The following NRG1 variants were observed in gnomAD, a reference collection of about 807,000 sequenced individuals.
NRG1 encodes pro-neuregulin-1, membrane-bound isoform.
NRG1 carries 18 observed loss-of-function variants against 63.8 expected under a neutral mutation model. The observed-to-expected ratio is 0.28, with a 90% CI of 0.19 to 0.42. NRG1 has a LOEUF of 0.42. NRG1 is among the 10% of genes least tolerant of loss of function. The probability of loss-of-function intolerance (pLI) is 1.00; values close to 1 mark genes in which losing one functional copy is unlikely to be tolerated. For synonymous variants in NRG1, 302 were observed against 301.3 expected (o/e 1.00, Z -0.02); for missense variants, 762 against 814.7 (o/e 0.94, Z 0.79).
intron 1 of NRG1, among the ~76,000 whole-genome samples, chr8:32,162,205 T>C (rs1225632046): frequency 6.6e-6 from 1 of 152,192 alleles, no homozygotes; most frequent in Non-Finnish European, 1.5e-5. Flanking sequence ...CATACATCTG[T>C]CACTAAATTG....
At chr8:31,800,772 C>T (rs187401995) in intron 1 of NRG1, among the ~76,000 whole-genome samples, 2 of 150,032 alleles carry the variant, frequency 1.3e-5, no homozygotes, top group African/African-American at 2.4e-5. Context: ...CGAATTTAAA[C>T]ATTTTGTCAC....
chr8:32,050,257 C>A, intron 1 of NRG1, among the ~76,000 whole-genome samples: 1 of 152,036 alleles, frequency 6.6e-6, no homozygotes, highest in Non-Finnish European at 1.5e-5. Context: ...TATATTTTCT[C>A]TTTTCTGCCA....
intron 5 of NRG1, among the ~76,000 whole-genome samples, chr8:32,633,262 A>C (rs1257046551): frequency 1.3e-5 from 2 of 152,184 alleles, no homozygotes; most frequent in Admixed American, 1.3e-4. Context: ...CAATCAAGAC[A>C]ACAGCTTTAA....
chr8:31,975,865 A>T (rs1362510876), intron 1 of NRG1, among the ~76,000 whole-genome samples: 1 of 152,216 alleles, frequency 6.6e-6, no homozygotes, highest in Non-Finnish European at 1.5e-5. Flanking sequence ...CTATAAATAC[A>T]TAATTATTCA....
intron 1 of NRG1, among the ~76,000 whole-genome samples, chr8:31,970,111 C>T (rs536620874): frequency 1.5e-4 from 23 of 152,124 alleles, no homozygotes; most frequent in Admixed American, 3.9e-4. Flanking sequence ...GGCTTTCAAG[C>T]GTATCTTTCC....
intron 1 of NRG1, among the ~76,000 whole-genome samples, chr8:31,807,122 C>T (rs1822361355): frequency 6.6e-6 from 1 of 152,172 alleles, no homozygotes; most frequent in Non-Finnish European, 1.5e-5. Context: ...AACTTGGCTT[C>T]CCTTGGGAAA....
At chr8:32,265,206 A>T (rs1251916342) in intron 1 of NRG1, among the ~76,000 whole-genome samples, 1 of 152,084 alleles carries the variant, frequency 6.6e-6, no homozygotes, top group Non-Finnish European at 1.5e-5. Context: ...ATAGTGGTGT[A>T]CACCTATAGT....
Position 32,286,787 on chromosome 8 carries a change from A to C in NRG1, c.38-309041A>C, listed in dbSNP as rs372994227. Among the ~76,000 whole-genome samples the C allele has an allele frequency of 1.6e-3, 246 of 152,250 alleles. 2 individuals carry two copies. Among genetic ancestry groups the C allele is most frequent in the African/African-American group, 5.8e-3 (239 of 41,548 alleles). ...CGAGGCAGGTGGATCACCTGAGGTC[A>C]CGAGTTCAAGACCAGCTTGGCCAAC... On this transcript the variant is annotated intron_variant, in intron 1 of 10. Coordinates refer to the NRG1 transcript ENST00000519301.
At chr8:32,050,998 G>A (rs1375651106) in intron 1 of NRG1, among the ~76,000 whole-genome samples, 1 of 151,972 alleles carries the variant, frequency 6.6e-6, no homozygotes, top group African/African-American at 2.4e-5. Context: ...ATAAGAGAGT[G>A]GAATCGATTT....
At chr8:31,947,639 C>A (rs1802783800) in intron 1 of NRG1, among the ~76,000 whole-genome samples, 1 of 151,992 alleles carries the variant, frequency 6.6e-6, no homozygotes, top group African/African-American at 2.4e-5. Flanking sequence ...ACATGCCATG[C>A]AAACGTAGAA....
At chr8:32,537,200 A>AAAAC (rs1832089199) in intron 1 of NRG1, among the ~76,000 whole-genome samples, 1 of 143,866 alleles carries the variant, frequency 7.0e-6, no homozygotes, top group Admixed American at 7.0e-5. Context: ...CATCTCAAAA[A>AAAAC]AAAAAAAAAA....
chr8:32,283,602 A>AAAGAAGG (rs774103209), intron 1 of NRG1, among the ~76,000 whole-genome samples: 14 of 152,226 alleles, frequency 9.2e-5, no homozygotes, highest in Non-Finnish European at 1.8e-4. Flanking sequence ...GTTTTGAAAG[A>AAAGAAGG]AAGAAGGGCC....
chr8:32,076,049 A>G lies in NRG1; in HGVS notation c.37+436618A>G, dbSNP rs138874053. 2.0e-3 allele frequency among the ~76,000 whole-genome samples: 306 copies of G among 152,320 alleles called. 1 individual carries two copies. The highest frequency in any genetic ancestry group is 7.0e-3 in the African/African-American group (291 of 41,576). On this transcript the variant is annotated intron_variant, in intron 1 of 10. Transcript: ENST00000519301. ...ATTTGTGGAAGCCAAACCCACAGACATGGAGAGCCAGCTGTGTATTGTTAT... is the reference window on the plus strand; with the variant it reads ...ATTTGTGGAAGCCAAACCCACAGACGTGGAGAGCCAGCTGTGTATTGTTAT...
chr8:31,946,806 C>T (rs1802616768), intron 1 of NRG1, among the ~76,000 whole-genome samples: 2 of 152,108 alleles, frequency 1.3e-5, no homozygotes, highest in Admixed American at 1.3e-4. Flanking sequence ...CAGAGCCTGC[C>T]TAAATGTACA....
At chr8:32,353,175 T>G (rs1273124376) in intron 1 of NRG1, among the ~76,000 whole-genome samples, 3 of 150,434 alleles carry the variant, frequency 2.0e-5, no homozygotes, top group African/African-American at 7.3e-5. Flanking sequence ...GCTATAAAAA[T>G]TAAAATAGCA....
chr8:32,345,124 T>C (rs1384868199), intron 1 of NRG1, among the ~76,000 whole-genome samples: 1 of 152,184 alleles, frequency 6.6e-6, no homozygotes, highest in Non-Finnish European at 1.5e-5. Flanking sequence ...AGTTCTAGAG[T>C]CATCTGTGTC....
At position 32,007,614 on chromosome 8, in the gene NRG1, G is replaced by A. The variant is rs376515752; in HGVS notation, c.37+368183G>A. Among the ~76,000 whole-genome samples the A allele has an allele frequency of 1.1e-3, 173 of 152,182 alleles. 1 individual carries two copies. The South Asian group carries it at 0.031, about 27-fold the overall frequency. On this transcript the variant is annotated intron_variant, in intron 1 of 10. Transcript: ENST00000519301. The stretch of plus-strand genomic sequence containing the variant: ...TTATTCATTCAAATGTCCTCGGCCA[G>A]TTCATGGCAGAGATAGAAAGTCGAT...
intron 1 of NRG1, among the ~76,000 whole-genome samples, chr8:32,419,349 G>A (rs1230556028): frequency 6.6e-6 from 1 of 152,126 alleles, no homozygotes; most frequent in Non-Finnish European, 1.5e-5. Flanking sequence ...CATTTTTCTG[G>A]TGGAGGAGCC....
intron 5 of NRG1, chr8:32,721,614 C>G (rs1329693187): frequency 5.9e-6 from 1 of 170,260 alleles, no homozygotes; most frequent in African/African-American, 2.4e-5. Flanking sequence ...ACCTCCAACT[C>G]TATGCAGGTT....
Sources: allele counts gnomAD v4.1 joint callset (sites outside exome capture counted in the v4.1 genomes callset), GRCh38; gene constraint gnomAD v4.1.1; transcripts MANE v1.5; gene names NCBI Gene and HGNC (gene_info 2026-07-23, HGNC 2026-07-21).